The following GPM6A variants were observed in gnomAD, a reference collection of about 807,000 sequenced individuals.
GPM6A encodes the protein neuronal membrane glycoprotein M6-a.
In GPM6A, 7 loss-of-function variants were observed where a neutral mutation model predicts 32.1. The ratio of observed to expected loss-of-function variants is 0.22; its 90% CI spans 0.12 to 0.41. The LOEUF (loss-of-function observed/expected upper bound fraction) is 0.41. Ranked by LOEUF, GPM6A falls within the 10% of genes least tolerant of loss-of-function variation. GPM6A has a pLI of 1.00. For missense variants in GPM6A, 235 were observed against 347.2 expected, an observed-to-expected ratio of 0.68 and a Z score of 2.57; for synonymous variants, 130 against 123.4, an observed-to-expected ratio of 1.05 and a Z score of -0.35.
chr4:175,980,356 C>CA (rs1031271358), intron 1 of GPM6A, among the ~76,000 whole-genome samples: 6 of 151,874 alleles, frequency 4.0e-5, no homozygotes, highest in African/African-American at 1.2e-4. Flanking sequence ...GACCCTGTCT[C>CA]AAAAAAACAA....
intron 4 of GPM6A, among the ~76,000 whole-genome samples, chr4:175,643,965 A>T (rs1741302259): frequency 6.6e-6 from 1 of 152,120 alleles, no homozygotes; most frequent in African/African-American, 2.4e-5. Flanking sequence ...ACCTCAAGGG[A>T]AGAACCAGGT....
chr4:175,835,114 A>T (rs532797604), intron 1 of GPM6A, among the ~76,000 whole-genome samples: 2 of 152,282 alleles, frequency 1.3e-5, no homozygotes, highest in East Asian at 3.9e-4. Flanking sequence ...ATTGCCAATT[A>T]TTGGGAGTTC....
At chr4:175,776,913 T>A (rs1285138320) in intron 1 of GPM6A, among the ~76,000 whole-genome samples, 1 of 152,160 alleles carries the variant, frequency 6.6e-6, no homozygotes, top group East Asian at 1.9e-4. Flanking sequence ...GGCCTACGTA[T>A]GCAAATCAAA....
chr4:175,761,914 C>G (rs950364359), intron 1 of GPM6A, among the ~76,000 whole-genome samples: 7 of 151,996 alleles, frequency 4.6e-5, no homozygotes, highest in African/African-American at 1.7e-4. Context: ...CCTGCCTCAG[C>G]CTTCCAAGTA....
chr4:175,797,222 A>C (rs1020979005), intron 1 of GPM6A, among the ~76,000 whole-genome samples: 1 of 152,158 alleles, frequency 6.6e-6, no homozygotes, highest in Non-Finnish European at 1.5e-5. Flanking sequence ...TTTTACTTTC[A>C]TTTTATTCAT....
intron 3 of GPM6A, among the ~76,000 whole-genome samples, chr4:175,671,791 G>C (rs1300505995): frequency 4.6e-5 from 7 of 152,120 alleles, no homozygotes; most frequent in Non-Finnish European, 1.0e-4. Context: ...TCTGCAGAAC[G>C]CAGAAGAATG....
intron 2 of GPM6A, among the ~76,000 whole-genome samples, chr4:175,685,399 T>C (rs917015573): frequency 2.0e-5 from 3 of 152,240 alleles, no homozygotes; most frequent in Non-Finnish European, 4.4e-5. Context: ...GCCAACTTCA[T>C]GTAAGTTTTG....
intron 2 of GPM6A, among the ~76,000 whole-genome samples, chr4:175,689,608 A>G (rs1235125931): frequency 2.0e-5 from 3 of 152,108 alleles, no homozygotes. Context: ...ACTGGGTGGC[A>G]TGTTCTGTAC....
At chr4:175,714,589 CTA>C (rs34443098) in intron 1 of GPM6A, among the ~76,000 whole-genome samples, 126,288 of 151,730 alleles carry the variant, frequency 0.83, 54,864 homozygotes, top group East Asian at 0.99. Context: ...GTCTCCACAG[CTA>C]TCATATGAAA....
chr4:175,962,248 A>G, intron 1 of GPM6A: 1 of 1,356,054 alleles, frequency 7.4e-7, no homozygotes, highest in East Asian at 2.3e-5. Flanking sequence ...GACCTCCTAT[A>G]TGTCATTGAA....
chr4:175,958,997 A>C (rs1380313514), intron 1 of GPM6A, among the ~76,000 whole-genome samples: 1 of 152,192 alleles, frequency 6.6e-6, no homozygotes, highest in African/African-American at 2.4e-5. Flanking sequence ...CTGGAATCCC[A>C]GGTTTTTTTA....
chr4:175,983,942 T>G (rs1740890004), intron 1 of GPM6A, among the ~76,000 whole-genome samples: 1 of 152,020 alleles, frequency 6.6e-6, no homozygotes, highest in South Asian at 2.1e-4. Flanking sequence ...TTAACTCAGT[T>G]TATTTAATGC....
intron 1 of GPM6A, among the ~76,000 whole-genome samples, chr4:175,902,811 C>A (rs889152901): frequency 1.3e-5 from 2 of 152,026 alleles, no homozygotes; most frequent in Non-Finnish European, 1.5e-5. Context: ...CTTAACGTCA[C>A]GCTGGTGTGT....
At chr4:175,889,456 T>C (rs111444565) in intron 1 of GPM6A, among the ~76,000 whole-genome samples, 5 of 150,360 alleles carry the variant, frequency 3.3e-5, no homozygotes, top group African/African-American at 1.2e-4. Flanking sequence ...GTTCAGTAGG[T>C]CACAACTGCA....
Position 175,812,123 on chromosome 4 carries a change from T to C in GPM6A, c.37+68A>G. On this transcript the variant is annotated intron_variant, in intron 1 of 6. Transcript: ENST00000393658. Reference sequence around the variant, plus strand: ...AACATTCATTAGCCTTACTGGCAAGTGTCTAAAGCAAACAAGGAAACTGCA... The same window carrying C: ...AACATTCATTAGCCTTACTGGCAAGCGTCTAAAGCAAACAAGGAAACTGCA... 7 of 1,159,628 alleles carry C rather than the reference T, an allele frequency of 6.0e-6. No homozygotes were observed. In the South Asian group the frequency reaches 8.2e-5, roughly 14 times the overall value. 71.8% of individuals were successfully genotyped at this position (1,159,628 alleles called of 1,614,324 possible).
chr4:175,906,637 T>C (rs1202267444), intron 1 of GPM6A: 2 of 152,168 alleles, frequency 1.3e-5, no homozygotes, highest in East Asian at 3.9e-4. Flanking sequence ...TTAGACTCTT[T>C]GAAATCCAGT....
chr4:175,819,178 C>G (rs1006744237), intron 1 of GPM6A, among the ~76,000 whole-genome samples: 3 of 152,036 alleles, frequency 2.0e-5, no homozygotes, highest in African/African-American at 7.2e-5. Flanking sequence ...GCAGCAGTGG[C>G]CTCTGTTTAC....
At chr4:175,998,087 A>C (rs914317106) in intron 1 of GPM6A, among the ~76,000 whole-genome samples, 4 of 152,034 alleles carry the variant, frequency 2.6e-5, no homozygotes, top group Admixed American at 2.0e-4. Context: ...TGTTCTGATT[A>C]AATTCTCATT....
chr4:175,913,125 A>T (rs1249665751), intron 1 of GPM6A, among the ~76,000 whole-genome samples: 1 of 152,172 alleles, frequency 6.6e-6, no homozygotes, highest in Non-Finnish European at 1.5e-5. Context: ...TGCAAAATAT[A>T]TTGCTGAATT....
Sources: allele counts gnomAD v4.1 joint callset (sites outside exome capture counted in the v4.1 genomes callset), GRCh38; gene constraint gnomAD v4.1.1; transcripts MANE v1.5; gene names NCBI Gene and HGNC (gene_info 2026-07-23, HGNC 2026-07-21).